GRIN3A: variants seen among roughly 807,000 people sequenced by gnomAD.
GRIN3A encodes the protein glutamate ionotropic receptor NMDA type subunit 3A, also known as glutamate receptor ionotropic, NMDA 3A.
Under a neutral mutation model 92.4 loss-of-function variants are expected in GRIN3A, and 47 were observed. The ratio of observed to expected loss-of-function variants is 0.51; its 90% CI spans 0.40 to 0.65. The LOEUF (loss-of-function observed/expected upper bound fraction) is 0.65. GRIN3A is among the 30% of genes least tolerant of loss of function. The probability of loss-of-function intolerance (pLI) is 0.00; values close to 1 mark genes in which losing one functional copy is unlikely to be tolerated. For missense variants in GRIN3A, 1,324 were observed against 1,393.1 expected, an observed-to-expected ratio of 0.95 and a Z score of 0.79; for synonymous variants, 527 against 540.6, an observed-to-expected ratio of 0.97 and a Z score of 0.35.
chr9:101,669,023 C>A (rs1588274630), intron 3 of GRIN3A, among the ~76,000 whole-genome samples: 1 of 152,174 alleles, frequency 6.6e-6, no homozygotes, highest in Admixed American at 6.5e-5. Context: ...ATGAAAGGCT[C>A]AGCTTAGCTT....
chr9:101,629,181 A>T (rs936829930), intron 3 of GRIN3A, among the ~76,000 whole-genome samples: 2 of 152,164 alleles, frequency 1.3e-5, no homozygotes, highest in Non-Finnish European at 2.9e-5. Context: ...GCAAATGCTC[A>T]TATGGCAAGT....
chr9:101,641,937 A>G (rs993713333), intron 3 of GRIN3A, among the ~76,000 whole-genome samples: 3 of 152,206 alleles, frequency 2.0e-5, no homozygotes, highest in Admixed American at 2.0e-4. Context: ...TTTGATAATC[A>G]TCATCTGTTA....
At chr9:101,731,048 ATCC>A (rs1233519736) in intron 1 of GRIN3A, among the ~76,000 whole-genome samples, 1 of 152,170 alleles carries the variant, frequency 6.6e-6, no homozygotes, top group Admixed American at 6.5e-5. Flanking sequence ...CAATAAATAT[ATCC>A]TCATTTTGAA....
intron 2 of GRIN3A, among the ~76,000 whole-genome samples, chr9:101,671,823 A>G (rs945564449): frequency 1.3e-5 from 2 of 152,254 alleles, no homozygotes; most frequent in Middle Eastern, 3.4e-3. Flanking sequence ...GAGAGAAACA[A>G]TTGGCCCTGG....
At chr9:101,679,521 T>C (rs1411926519) in intron 2 of GRIN3A, among the ~76,000 whole-genome samples, 1 of 152,176 alleles carries the variant, frequency 6.6e-6, no homozygotes, top group Non-Finnish European at 1.5e-5. Flanking sequence ...TTGGCATGAC[T>C]TAAGTGACCT....
At chr9:101,617,466 A>G (rs1196407601) in intron 5 of GRIN3A, among the ~76,000 whole-genome samples, 4 of 152,294 alleles carry the variant, frequency 2.6e-5, no homozygotes, top group Non-Finnish European at 5.9e-5. Flanking sequence ...AGAGACATTT[A>G]TAAAAAATGT....
At chr9:101,715,668 G>A (rs140381342) in intron 1 of GRIN3A, among the ~76,000 whole-genome samples, 25 of 152,208 alleles carry the variant, frequency 1.6e-4, no homozygotes, top group African/African-American at 6.0e-4. Flanking sequence ...AAAGTTTCAT[G>A]ACATAATGAA....
At chr9:101,670,023 G>A in intron 3 of GRIN3A, 37 bp downstream of exon 3, 3 of 1,406,150 alleles carry the variant, frequency 2.1e-6, no homozygotes, top group Non-Finnish European at 2.0e-6. Flanking sequence ...GAATTATAAT[G>A]GACAATCAAG....
intron 3 of GRIN3A, among the ~76,000 whole-genome samples, chr9:101,628,672 G>T (rs1365659193): frequency 6.6e-6 from 1 of 152,032 alleles, no homozygotes; most frequent in Non-Finnish European, 1.5e-5. Flanking sequence ...GAATTCTTTA[G>T]AAGCCATGCA....
At position 101,572,781 on chromosome 9, in the gene GRIN3A, A is replaced by C. The variant is rs1342984282; in HGVS notation, c.*393T>G. On this transcript the variant is annotated 3_prime_UTR_variant, in exon 9 of 9. Transcript: ENST00000361820. The stretch of plus-strand genomic sequence containing the variant: ...ATAACCTCGTTCTGTGTTACGATGA[A>C]AACCAGCAACCCAGTAAGACATAAG... 3 of 237,204 alleles carry C rather than the reference A, an allele frequency of 1.3e-5. No individual in the cohort carries two copies. In the Admixed American group the frequency reaches 1.5e-4, roughly 12 times the overall value. 14.7% of individuals were successfully genotyped at this position (237,204 alleles called of 1,614,324 possible).
chr9:101,655,652 A>C (rs539564353), intron 3 of GRIN3A, among the ~76,000 whole-genome samples: 1 of 151,990 alleles, frequency 6.6e-6, no homozygotes, highest in South Asian at 2.1e-4. Context: ...TCCTTGGAAA[A>C]ATCACTTAAC....
At chr9:101,715,200 T>TAAAAAAAAAAAAAA (rs5899459) in intron 1 of GRIN3A, among the ~76,000 whole-genome samples, 5 of 127,690 alleles carry the variant, frequency 3.9e-5, no homozygotes, top group Non-Finnish European at 3.2e-5. Context: ...ACAAAAATGG[T>TAAAAAAAAAAAAAA]AAAAAAAAAA....
chr9:101,665,892 ACATGCATGTATG>A (rs1452723362), intron 3 of GRIN3A, among the ~76,000 whole-genome samples: 1 of 152,024 alleles, frequency 6.6e-6, no homozygotes, highest in Non-Finnish European at 1.5e-5. Flanking sequence ...ACATTAAGAC[ACATGCATGTATG>A]CATGCATGCT....
At chr9:101,691,980 G>A (rs1157627850) in intron 1 of GRIN3A, among the ~76,000 whole-genome samples, 3 of 152,186 alleles carry the variant, frequency 2.0e-5, no homozygotes, top group Non-Finnish European at 2.9e-5. Context: ...ATGTAAGAAT[G>A]TGAGAATGCA....
chr9:101,646,046 A>AT (rs889994780), intron 3 of GRIN3A, among the ~76,000 whole-genome samples: 3 of 151,560 alleles, frequency 2.0e-5, no homozygotes, highest in East Asian at 1.9e-4. Context: ...ATTTATTTTT[A>AT]TTTTTTTGTG....
intron 5 of GRIN3A, among the ~76,000 whole-genome samples, chr9:101,617,918 A>G (rs1030833940): frequency 6.6e-6 from 1 of 151,386 alleles, no homozygotes; most frequent in Middle Eastern, 3.4e-3. Context: ...TGTTCTTGCA[A>G]TAGTTTACTG....
At position 101,677,777 on chromosome 9, in the gene GRIN3A, G is replaced by T. The variant is rs185025902; in HGVS notation, c.1305-6670C>A. Among the ~76,000 whole-genome samples, 257 of 152,148 alleles carry T rather than the reference G, an allele frequency of 1.7e-3. 2 individuals are homozygous for T. The highest frequency in any genetic ancestry group is 5.8e-3 in the African/African-American group (242 of 41,516). On this transcript the variant is annotated intron_variant, in intron 2 of 8. Coordinates refer to ENST00000361820, the MANE Select transcript of GRIN3A (RefSeq NM_133445.3). Reference sequence around the variant, plus strand: ...GCTTACCTGTGGTCCAATTCTGTTTGATTTTCTTCTCCATATATGGGACAG... The same window carrying T: ...GCTTACCTGTGGTCCAATTCTGTTTTATTTTCTTCTCCATATATGGGACAG...
At chr9:101,675,104 G>A (rs986508566) in intron 2 of GRIN3A, among the ~76,000 whole-genome samples, 2 of 151,970 alleles carry the variant, frequency 1.3e-5, no homozygotes, top group Non-Finnish European at 2.9e-5. Flanking sequence ...TGATAAGGGC[G>A]TGGATCTAAC....
At chr9:101,735,374 G>A (rs1370571260) in intron 1 of GRIN3A, among the ~76,000 whole-genome samples, 1 of 150,474 alleles carries the variant, frequency 6.6e-6, no homozygotes, top group Non-Finnish European at 1.5e-5. Flanking sequence ...TTTATTGTCA[G>A]CTTGTCCCTG....
Sources: gnomAD v4.1 joint callset for allele counts (sites outside exome capture counted in the v4.1 genomes callset) on GRCh38, gnomAD v4.1.1 for gene constraint, MANE v1.5 for transcripts, NCBI Gene and HGNC (gene_info 2026-07-23, HGNC 2026-07-21) for gene names.